MTFMT: variants seen among roughly 807,000 people sequenced by gnomAD.
MTFMT encodes methionyl-tRNA formyltransferase, mitochondrial.
MTFMT carries 47 observed loss-of-function variants against 51.8 expected under a neutral mutation model. The observed-to-expected ratio is 0.91, with a 90% CI of 0.72 to 1.16. The LOEUF (loss-of-function observed/expected upper bound fraction) is 1.16. MTFMT is among the 50% of genes most tolerant of loss of function. The probability of loss-of-function intolerance (pLI) is 0.00; values close to 1 mark genes in which losing one functional copy is unlikely to be tolerated. For synonymous variants in MTFMT, 196 were observed against 176.7 expected (o/e 1.11, Z -0.87); for missense variants, 512 against 482.3 (o/e 1.06, Z -0.58).
At chr15:65,011,695 T>C (rs991808637) in intron 6 of MTFMT, among the ~76,000 whole-genome samples, 11 of 151,870 alleles carry the variant, frequency 7.2e-5, no homozygotes, top group African/African-American at 2.7e-4. Context: ...GGGGACTCAC[T>C]ACATTGCCCA....
chr15:65,007,079 G>T lies in MTFMT; in HGVS notation c.814-888C>A, dbSNP rs2086225202. On this transcript the variant is annotated intron_variant, in intron 6 of 8. Coordinates refer to ENST00000220058, the MANE Select transcript of MTFMT (RefSeq NM_139242.4). The stretch of plus-strand genomic sequence containing the variant: ...GCCCGCATGAGCACTGGAAGAATGG[G>T]GGTGGAGCCACCAGGAATTTCTGCC... 2.0e-5 allele frequency among the ~76,000 whole-genome samples: 3 copies of T among 152,234 alleles called. No homozygotes were observed. In the South Asian group the frequency reaches 6.2e-4, roughly 31 times the overall value.
Position 65,020,192 on chromosome 15 carries a change from C to T in MTFMT, c.721+5G>A. 1 of 1,610,880 alleles carries T rather than the reference C, an allele frequency of 6.2e-7. No individual in the cohort carries two copies. Among genetic ancestry groups the T allele is most frequent in the Non-Finnish European group, 8.5e-7 (1 of 1,178,936 alleles). ...AAGATGAGAGTCTCTGCAGCCTTCA[C>T]TCACCGTAAGTCGCCCCCTCCATTG... On this transcript the variant is annotated splice_donor_5th_base_variant and intron_variant, in intron 5 of 8. Coordinates refer to ENST00000220058, the MANE Select transcript of MTFMT (RefSeq NM_139242.4).
At chr15:65,011,359 T>C (rs2086263693) in intron 6 of MTFMT, among the ~76,000 whole-genome samples, 1 of 152,068 alleles carries the variant, frequency 6.6e-6, no homozygotes, top group South Asian at 2.1e-4. Context: ...CTCAGAATTT[T>C]TGGCCATTTT....
chr15:65,011,300 C>A (rs1056171463), intron 6 of MTFMT, among the ~76,000 whole-genome samples: 1 of 151,956 alleles, frequency 6.6e-6, no homozygotes, highest in Non-Finnish European at 1.5e-5. Flanking sequence ...CCAGCCTGGG[C>A]AACAAGAGCA....
rs1595887019 is a variant in MTFMT, at chr15:65,003,180, T to G, written c.1052A>C (p.His351Pro). Residue 351 changes from histidine (H) to proline (P), a missense_variant, in exon 9 of 9, where the codon CAC becomes CCC. By Grantham distance (77) the His-to-Pro change is moderately conservative. Coordinates refer to ENST00000220058, the MANE Select transcript of MTFMT (RefSeq NM_139242.4). Reference protein sequence around the residue: ...TATDFYNGYLHPWYQKNSQAQ... With the variant: ...TATDFYNGYLPPWYQKNSQAQ... ...TTGGGAATTTTTCTGGTACCAGGGG[T>G]GCAAATATCCATTGTAGAAGTCAGT... 1 of 1,613,708 alleles carries G rather than the reference T, an allele frequency of 6.2e-7. No homozygotes were observed. The highest frequency in any genetic ancestry group is 2.2e-5 in the East Asian group (1 of 44,866).
intron 6 of MTFMT, among the ~76,000 whole-genome samples, chr15:65,010,885 T>C (rs953243753): frequency 2.6e-5 from 4 of 152,220 alleles, no homozygotes; most frequent in South Asian, 2.1e-4. Flanking sequence ...CTAGTTTTTG[T>C]CTGTTTTTTG....
Position 65,001,883 on chromosome 15 carries a change from A to G in MTFMT, c.*1179T>C, listed in dbSNP as rs2086179173. 6.6e-6 allele frequency: 1 copy of G among 152,080 alleles called. No individual in the cohort carries two copies. Among genetic ancestry groups the G allele is most frequent in the Non-Finnish European group, 1.5e-5 (1 of 68,016 alleles). 9.4% of individuals were successfully genotyped at this position (152,080 alleles called of 1,614,324 possible). The stretch of plus-strand genomic sequence containing the variant: ...CATCTCTAAAAAAATTAATAAAAAA[A>G]AATAAAATCTGGATGTAAAATGTTA... On this transcript the variant is annotated 3_prime_UTR_variant, in exon 9 of 9. Transcript: ENST00000220058.
Position 65,002,962 on chromosome 15 carries a change from CAAAAAAAA to C in MTFMT, c.*92_*99del. ...TGGGTGACAGAGTGAGACTCTGTCT[CAAAAAAAA>C]AAAAAAAAAAAAAAGTCCAGATAAT... On this transcript the variant is annotated 3_prime_UTR_variant, in exon 9 of 9. Coordinates refer to ENST00000220058, the MANE Select transcript of MTFMT (RefSeq NM_139242.4). 9.3e-6 allele frequency: 3 copies of C among 321,598 alleles called. No homozygotes were observed. The highest frequency in any genetic ancestry group is 1.3e-5 in the Non-Finnish European group (3 of 225,296). 19.9% of individuals were successfully genotyped at this position (321,598 alleles called of 1,614,324 possible).
intron 7 of MTFMT, among the ~76,000 whole-genome samples, chr15:65,005,236 CAG>C (rs1300924733): frequency 6.6e-6 from 1 of 152,222 alleles, no homozygotes; most frequent in Non-Finnish European, 1.5e-5. Context: ...AACTAGCCAA[CAG>C]GGGGAAATAC....
At chr15:65,008,389 G>A (rs1386062394) in intron 6 of MTFMT, among the ~76,000 whole-genome samples, 1 of 152,082 alleles carries the variant, frequency 6.6e-6, no homozygotes, top group East Asian at 1.9e-4. Flanking sequence ...TGATTTAAAT[G>A]TTAATAAAAT....
intron 1 of MTFMT, among the ~76,000 whole-genome samples, chr15:65,028,794 A>G (rs772651420): frequency 1.3e-5 from 2 of 152,244 alleles, no homozygotes; most frequent in Non-Finnish European, 2.9e-5. Flanking sequence ...TTTCTTTCCC[A>G]GTAAACAAAA....
intron 8 of MTFMT, among the ~76,000 whole-genome samples, chr15:65,004,054 T>C (rs900188589): frequency 5.3e-5 from 8 of 151,918 alleles, no homozygotes; most frequent in African/African-American, 1.7e-4. Flanking sequence ...TTCGCTCTTA[T>C]TGCCCAGGCT....
rs2946660 is a variant in MTFMT, at chr15:65,024,048, T to C, written c.420-254A>G. 0.39 allele frequency among the ~76,000 whole-genome samples: 60,058 copies of C among 152,076 alleles called. 12,427 individuals carry two copies. The highest frequency in any genetic ancestry group is 0.69 in the East Asian group (3,559 of 5,176). ...TTTGCTGTTCTAAAGATGTTCTGTC[T>C]GGGTGTGGTGGCTCATGCCTGTAAT... On this transcript the variant is annotated intron_variant, in intron 2 of 8. Transcript: ENST00000220058.
chr15:65,026,175 C>A, intron 2 of MTFMT: 1 of 155,904 alleles, frequency 6.4e-6, no homozygotes, highest in Non-Finnish European at 1.4e-5. Context: ...CTTCCACAAG[C>A]AGAAAGGAAT....
intron 6 of MTFMT, among the ~76,000 whole-genome samples, chr15:65,010,224 G>A (rs752878990): frequency 1.3e-5 from 2 of 152,124 alleles, no homozygotes; most frequent in Non-Finnish European, 2.9e-5. Context: ...TTATTGAGAT[G>A]TAATTCACAT....
intron 1 of MTFMT, 98 bp downstream of exon 1, chr15:65,029,307 C>CTT: frequency 7.5e-7 from 1 of 1,329,840 alleles, no homozygotes; most frequent in South Asian, 1.9e-5. Context: ...GCCGCCCATG[C>CTT]TTTCCGCAAC....
At chr15:65,007,778 A>T (rs1415894333) in intron 6 of MTFMT, among the ~76,000 whole-genome samples, 1 of 152,200 alleles carries the variant, frequency 6.6e-6, no homozygotes, top group Admixed American at 6.5e-5. Context: ...TATATTTTTT[A>T]AAACTGGGAT....
chr15:65,023,524 G>A, intron 3 of MTFMT, 148 bp downstream of exon 3: 1 of 647,410 alleles, frequency 1.5e-6, no homozygotes, highest in Non-Finnish European at 2.6e-6. Context: ...TAGAAACCAG[G>A]AGAAAACAGA....
At chr15:65,012,161 G>T (rs1468682221) in intron 6 of MTFMT, among the ~76,000 whole-genome samples, 1 of 145,072 alleles carries the variant, frequency 6.9e-6, no homozygotes, top group East Asian at 2.0e-4. Context: ...AAAAAAAAAG[G>T]TGGGTGGGAG....
Sources: allele counts gnomAD v4.1 joint callset (sites outside exome capture counted in the v4.1 genomes callset), GRCh38; gene constraint gnomAD v4.1.1; transcripts MANE v1.5; gene names NCBI Gene and HGNC (gene_info 2026-07-23, HGNC 2026-07-21).